ZNF148: variants seen among roughly 807,000 people sequenced by gnomAD.
The protein encoded by ZNF148 is Beta-Enolase Repressor Factor-1.
Under a neutral mutation model 67.7 loss-of-function variants are expected in ZNF148, and 7 were observed. The ratio of observed to expected loss-of-function variants is 0.10; its 90% CI spans 0.06 to 0.19. The LOEUF (loss-of-function observed/expected upper bound fraction) is 0.19. Among genes scored for constraint, ZNF148 ranks in the 10% least tolerant of loss-of-function variants. ZNF148 has a pLI of 1.00. For synonymous variants in ZNF148, 333 were observed against 330.7 expected, an observed-to-expected ratio of 1.01 and a Z score of -0.08; for missense variants, 583 against 947.1, an observed-to-expected ratio of 0.62 and a Z score of 5.05.
At chr3:125,261,537 G>C (rs1937340760) in intron 7 of ZNF148, among the ~76,000 whole-genome samples, 1 of 152,150 alleles carries the variant, frequency 6.6e-6, no homozygotes, top group South Asian at 2.1e-4. Flanking sequence ...GGAAAATGAA[G>C]ATATGAGGAA....
chr3:125,297,140 T>G (rs1366066543), intron 4 of ZNF148, among the ~76,000 whole-genome samples: 1 of 151,766 alleles, frequency 6.6e-6, no homozygotes, highest in Non-Finnish European at 1.5e-5. Flanking sequence ...AAAAAAAATA[T>G]TATTATCTTA....
At chr3:125,240,003 T>C (rs746730589) in intron 7 of ZNF148, among the ~76,000 whole-genome samples, 2 of 152,192 alleles carry the variant, frequency 1.3e-5, no homozygotes, top group African/African-American at 4.8e-5. Flanking sequence ...AAACACCAGA[T>C]AGTGGTGATA....
At chr3:125,265,004 A>G (rs1937503530) in intron 7 of ZNF148, among the ~76,000 whole-genome samples, 1 of 152,166 alleles carries the variant, frequency 6.6e-6, no homozygotes, top group African/African-American at 2.4e-5. Context: ...CTCAGTTCAA[A>G]AGAGTAATGA....
chr3:125,303,240 G>T (rs1939688767), intron 4 of ZNF148, among the ~76,000 whole-genome samples: 1 of 152,272 alleles, frequency 6.6e-6, no homozygotes, highest in African/African-American at 2.4e-5. Flanking sequence ...TGTGACTATA[G>T]GGGGTAGCAC....
intron 4 of ZNF148, among the ~76,000 whole-genome samples, chr3:125,308,544 A>C (rs2107664473): frequency 6.6e-6 from 1 of 151,860 alleles, no homozygotes; most frequent in Non-Finnish European, 1.5e-5. Context: ...AAAAAAACAA[A>C]AACCTAAAAG....
chr3:125,306,372 T>A (rs977760503), intron 4 of ZNF148, among the ~76,000 whole-genome samples: 3 of 151,846 alleles, frequency 2.0e-5, no homozygotes, highest in African/African-American at 7.3e-5. Context: ...GAACAGACAA[T>A]GAAAACAAGT....
At chr3:125,296,695 T>C (rs1309661608) in intron 4 of ZNF148, among the ~76,000 whole-genome samples, 1 of 152,150 alleles carries the variant, frequency 6.6e-6, no homozygotes, top group Admixed American at 6.6e-5. Context: ...AACACCACAG[T>C]ATTATTTATA....
intron 1 of ZNF148, among the ~76,000 whole-genome samples, chr3:125,367,410 C>A (rs1385324919): frequency 6.6e-6 from 1 of 152,150 alleles, no homozygotes; most frequent in Non-Finnish European, 1.5e-5. Flanking sequence ...ATTCCTAGTT[C>A]TCTAACACCG....
In ZNF148 at chr3:125,317,662, T is replaced by TATATAGAGAGAGAGAGAGAGAG. The variant is rs752542874; in HGVS notation, c.-16-4007_-16-4006insCTCTCTCTCTCTCTCTCTATAT. ...GATCTTTTATATATATATATATATA[T>TATATAGAGAGAGAGAGAGAGAG]AGAGAGAGAGAGAGAGAAATACATA... On this transcript the variant is annotated intron_variant, in intron 3 of 8. Transcript: ENST00000360647. Among the ~76,000 whole-genome samples the TATATAGAGAGAGAGAGAGAGAG allele has an allele frequency of 8.0e-3, 720 of 89,940 alleles. 7 individuals carry two copies. The highest frequency in any genetic ancestry group is 0.015 in the African/African-American group (337 of 22,118). 59.0% of individuals were successfully genotyped at this position (89,940 alleles called of 152,430 possible).
intron 1 of ZNF148, among the ~76,000 whole-genome samples, chr3:125,364,440 TA>T (rs1395686322): frequency 6.6e-6 from 1 of 151,690 alleles, no homozygotes; most frequent in African/African-American, 2.4e-5. Flanking sequence ...AACCATCCAA[TA>T]ATCATGGAAT....
intron 1 of ZNF148, among the ~76,000 whole-genome samples, chr3:125,342,008 GAAT>G (rs1559769682): frequency 7.0e-6 from 1 of 142,364 alleles, no homozygotes; most frequent in Admixed American, 7.1e-5. Flanking sequence ...GCGGGGGGGG[GAAT>G]GGAAATCATG....
rs76433008 is a variant in ZNF148 at position 125,228,421 on chromosome 3, T to C, written c.*3920A>G. 7.1e-4 allele frequency: 108 copies of C among 152,712 alleles called. No individual in the cohort carries two copies. The highest frequency in any genetic ancestry group is 2.2e-3 in the African/African-American group (93 of 41,576). 9.5% of individuals were successfully genotyped at this position (152,712 alleles called of 1,614,324 possible). A position where few individuals can be genotyped will look rare whatever the true frequency, so the allele number is the denominator to read the frequency against. On this transcript the variant is annotated 3_prime_UTR_variant, in exon 9 of 9. Transcript: ENST00000360647. ...TAGGAGGAACAATGGAATTTGCTTA[T>C]AAAAACTGATTAAAGATAATCATTA...
chr3:125,336,140 C>A (rs919809269), intron 1 of ZNF148, among the ~76,000 whole-genome samples: 3 of 152,166 alleles, frequency 2.0e-5, no homozygotes, highest in Non-Finnish European at 4.4e-5. Flanking sequence ...GTAATGCTTA[C>A]ACATTAACTG....
chr3:125,361,627 T>A (rs4679168), intron 1 of ZNF148, among the ~76,000 whole-genome samples: 117,583 of 151,968 alleles, frequency 0.77, 46,029 homozygotes, highest in African/African-American at 0.86. Context: ...AGGTCAGGAG[T>A]TCGACACCAG....
At chr3:125,238,802 C>A (rs1156433168) in intron 7 of ZNF148, among the ~76,000 whole-genome samples, 1 of 152,138 alleles carries the variant, frequency 6.6e-6, no homozygotes, top group African/African-American at 2.4e-5. Flanking sequence ...CAAACAGATG[C>A]TTGTATGCCA....
chr3:125,252,086 T>C (rs1332322250), intron 7 of ZNF148, among the ~76,000 whole-genome samples: 1 of 152,202 alleles, frequency 6.6e-6, no homozygotes, highest in Admixed American at 6.5e-5. Flanking sequence ...ATCCTTTTTG[T>C]GTTTCTGTGA....
chr3:125,362,852 G>C (rs534386274), intron 1 of ZNF148, among the ~76,000 whole-genome samples: 15 of 152,232 alleles, frequency 9.9e-5, no homozygotes, highest in African/African-American at 3.6e-4. Flanking sequence ...ACCATGCTTG[G>C]CCAGTCCTTA....
chr3:125,235,882 T>C (rs1936063433), intron 7 of ZNF148, among the ~76,000 whole-genome samples: 1 of 137,970 alleles, frequency 7.2e-6, no homozygotes, highest in African/African-American at 2.7e-5. Context: ...TTCTCACTCA[T>C]AGGTGGGAAT....
intron 7 of ZNF148, among the ~76,000 whole-genome samples, chr3:125,237,052 T>C (rs982785345): frequency 4.6e-5 from 7 of 152,012 alleles, no homozygotes; most frequent in Non-Finnish European, 8.8e-5. Context: ...AAGATGGAGA[T>C]GGGAAATAAT....
Sources: allele counts gnomAD v4.1 joint callset (sites outside exome capture counted in the v4.1 genomes callset), GRCh38; gene constraint gnomAD v4.1.1; transcripts MANE v1.5; gene names NCBI Gene and HGNC (gene_info 2026-07-23, HGNC 2026-07-21).